The following TFB1M variants were observed in gnomAD, a reference collection of about 807,000 sequenced individuals.
TFB1M encodes the protein dimethyladenosine transferase 1, mitochondrial.
TFB1M carries 27 observed loss-of-function variants against 31.1 expected under a neutral mutation model. That is an observed-to-expected ratio of 0.87 (90% CI 0.64 to 1.20). The LOEUF (loss-of-function observed/expected upper bound fraction) is 1.20, where lower values mean the gene tolerates loss of function less well. Among genes scored for constraint, TFB1M ranks in the 50% most tolerant of loss-of-function variants. The probability of loss-of-function intolerance (pLI) is 0.00; values close to 1 mark genes in which losing one functional copy is unlikely to be tolerated. For missense variants in TFB1M, 394 were observed against 418.7 expected (o/e 0.94, Z 0.51); for synonymous variants, 166 against 151.8 (o/e 1.09, Z -0.69).
the TFB1M span, chr6:155,240,626 T>C: frequency 0.99 from 1,595,212 of 1,614,140 alleles, 788,552 homozygotes; most frequent in East Asian, 1. Flanking sequence ...TCCTCCGAGG[T>C]CTCTGGCCCG....
chr6:155,231,899 A>G, the TFB1M span, among the ~76,000 whole-genome samples: 1 of 152,146 alleles, frequency 6.6e-6, no homozygotes, highest in Non-Finnish European at 1.5e-5. Flanking sequence ...ACATGATGAA[A>G]CTGAAACCCT....
At chr6:155,249,553 C>T in the TFB1M span, among the ~76,000 whole-genome samples, 3 of 152,190 alleles carry the variant, frequency 2.0e-5, no homozygotes, top group Admixed American at 6.5e-5. Context: ...AATCACCTGT[C>T]GTGATCCTTG....
At chr6:155,308,734 T>A (rs1284256630) in intron 2 of TFB1M, among the ~76,000 whole-genome samples, 1 of 152,242 alleles carries the variant, frequency 6.6e-6, no homozygotes, top group Non-Finnish European at 1.5e-5. Flanking sequence ...GGAATTGAAT[T>A]AAGCTACAAA....
At chr6:155,258,459 A>T (rs995080068) in intron 6 of TFB1M, among the ~76,000 whole-genome samples, 1 of 152,238 alleles carries the variant, frequency 6.6e-6, no homozygotes, top group Non-Finnish European at 1.5e-5. Flanking sequence ...GTGACAAATC[A>T]TCAGTTTTGA....
chr6:155,307,304 C>T (rs750838153), intron 2 of TFB1M, among the ~76,000 whole-genome samples: 10 of 152,106 alleles, frequency 6.6e-5, no homozygotes, highest in African/African-American at 1.4e-4. Context: ...AAGACATTCC[C>T]GAGACTGGGC....
intron 2 of TFB1M, chr6:155,310,946 T>C: frequency 1.9e-6 from 1 of 525,006 alleles, no homozygotes; most frequent in Non-Finnish European, 3.4e-6. Context: ...TTGTTTAGCA[T>C]AAATGCTTAA....
Position 155,256,459 on chromosome 6 carries a change from G to GCGAAATGT in TFB1M, c.*1369_*1376dup. 1 of 1,613,912 alleles carries GCGAAATGT rather than the reference G, an allele frequency of 6.2e-7. No homozygotes were observed. The highest frequency in any genetic ancestry group is 8.5e-7 in the Non-Finnish European group (1 of 1,180,022). On this transcript the variant is annotated 3_prime_UTR_variant, in exon 7 of 7. Transcript: ENST00000367166. Reference sequence around the variant, plus strand: ...TTGTGTAACCTGTTTCTGTATCACAGCGAAATGTGTTTTTCTCACTGTAGC... The same window carrying GCGAAATGT: ...TTGTGTAACCTGTTTCTGTATCACAGCGAAATGTCGAAATGTGTTTTTCTCACTGTAGC...
chr6:155,281,983 A>G (rs1345316436), intron 5 of TFB1M, among the ~76,000 whole-genome samples: 1 of 152,146 alleles, frequency 6.6e-6, no homozygotes, highest in Non-Finnish European at 1.5e-5. Context: ...TAGCTTGAGA[A>G]ACTTAAGAAA....
chr6:155,258,856 G>A (rs184843623), intron 6 of TFB1M, among the ~76,000 whole-genome samples: 16 of 152,164 alleles, frequency 1.1e-4, no homozygotes, highest in African/African-American at 3.6e-4. Context: ...CACTTTCAGG[G>A]TGAGGTGACA....
chr6:155,290,382 C>T (rs1335707054), intron 4 of TFB1M, among the ~76,000 whole-genome samples: 1 of 104,694 alleles, frequency 9.6e-6, no homozygotes, highest in South Asian at 3.4e-4. Flanking sequence ...CGGCGAGACT[C>T]GGCCTCAAAA....
chr6:155,249,944 C>A, the TFB1M span: 1 of 1,613,992 alleles, frequency 6.2e-7, no homozygotes, highest in Non-Finnish European at 8.5e-7. Flanking sequence ...CAGCTAGTAG[C>A]TGAGCAGAGC....
intron 5 of TFB1M, chr6:155,276,159 T>G (rs772064438): frequency 6.2e-7 from 1 of 1,614,186 alleles, no homozygotes; most frequent in Admixed American, 1.7e-5. Flanking sequence ...ATAGCAAACT[T>G]TCTGGATCTG....
At chr6:155,252,134 C>G, downstream of TFB1M, 1 of 667,752 alleles carries the variant, frequency 1.5e-6, no homozygotes, top group Non-Finnish European at 2.6e-6. Context: ...GGTAACTAAC[C>G]CCATCACATA....
intron 2 of TFB1M, among the ~76,000 whole-genome samples, chr6:155,306,117 A>G (rs1777751937): frequency 6.6e-6 from 1 of 152,150 alleles, no homozygotes; most frequent in South Asian, 2.1e-4. Flanking sequence ...ATTATTATCT[A>G]TTAGGGAAAT....
intron 5 of TFB1M, among the ~76,000 whole-genome samples, chr6:155,264,680 C>T (rs1216966755): frequency 6.6e-6 from 1 of 152,088 alleles, no homozygotes; most frequent in African/African-American, 2.4e-5. Flanking sequence ...AGATTTTAAA[C>T]AGTCACATAG....
intron 5 of TFB1M, chr6:155,276,405 G>C: frequency 6.4e-7 from 1 of 1,572,900 alleles, no homozygotes; most frequent in Non-Finnish European, 8.6e-7. Flanking sequence ...ATATGAAATG[G>C]AACTTTTGGG....
intron 2 of TFB1M, chr6:155,310,934 A>AT (rs1291592206): frequency 2.1e-6 from 1 of 475,196 alleles, no homozygotes; most frequent in Non-Finnish European, 3.8e-6. Context: ...AAAACAATTA[A>AT]TTTGTTTAGC....
At chr6:155,293,058 C>T (rs9397801) in intron 4 of TFB1M, among the ~76,000 whole-genome samples, 19,050 of 151,978 alleles carry the variant, frequency 0.13, 1,519 homozygotes, top group Non-Finnish European at 0.19. Flanking sequence ...AGGCTGGTCT[C>T]GAACTCTGGG....
intron 5 of TFB1M, among the ~76,000 whole-genome samples, chr6:155,276,914 G>A (rs951351305): frequency 2.2e-4 from 34 of 152,300 alleles, no homozygotes; most frequent in African/African-American, 7.7e-4. Flanking sequence ...CCTGTGACCA[G>A]CCCATTTCTT....
Sources: allele counts gnomAD v4.1 joint callset (sites outside exome capture counted in the v4.1 genomes callset), GRCh38; gene constraint gnomAD v4.1.1; transcripts MANE v1.5; gene names NCBI Gene and HGNC (gene_info 2026-07-23, HGNC 2026-07-21).